The following RIMS2 variants were observed in gnomAD, a reference collection of about 807,000 sequenced individuals.
RIMS2 encodes the protein regulating synaptic membrane exocytosis protein 2.
Under a neutral mutation model 174.4 loss-of-function variants are expected in RIMS2, and 59 were observed. That is an observed-to-expected ratio of 0.34 (90% confidence interval 0.27 to 0.42). RIMS2 has a LOEUF of 0.42. Ranked by LOEUF, RIMS2 falls within the 10% of genes least tolerant of loss-of-function variation. RIMS2 has a pLI of 1.00. For missense variants in RIMS2, 1,620 were observed against 1,666.3 expected (o/e 0.97, Z 0.48); for synonymous variants, 606 against 572.5 (o/e 1.06, Z -0.84).
intron 1 of RIMS2, among the ~76,000 whole-genome samples, chr8:103,664,230 A>G (rs1372130955): frequency 2.6e-5 from 4 of 152,256 alleles, no homozygotes; most frequent in Admixed American, 2.6e-4. Context: ...CAAAGACTTC[A>G]TGACTAAAAC....
At chr8:103,576,043 C>A (rs1361520059) in intron 1 of RIMS2, among the ~76,000 whole-genome samples, 1 of 152,178 alleles carries the variant, frequency 6.6e-6, no homozygotes, top group East Asian at 1.9e-4. Context: ...AGTGGGAGGG[C>A]AGGACCACTA....
chr8:103,852,011 C>T (rs1285988401), intron 3 of RIMS2, among the ~76,000 whole-genome samples: 1 of 151,902 alleles, frequency 6.6e-6, no homozygotes, highest in African/African-American at 2.4e-5. Context: ...TAGACCAATC[C>T]TCCACTGCAG....
At chr8:103,602,288 A>G (rs2094794391) in intron 1 of RIMS2, among the ~76,000 whole-genome samples, 1 of 152,126 alleles carries the variant, frequency 6.6e-6, no homozygotes, top group African/African-American at 2.4e-5. Context: ...CGCCTGATCC[A>G]TGCTTTTTTA....
chr8:103,517,150 G>A (rs570153086), intron 1 of RIMS2, among the ~76,000 whole-genome samples: 1 of 152,310 alleles, frequency 6.6e-6, no homozygotes, highest in East Asian at 1.9e-4. Context: ...TGCATGATAA[G>A]TGCCTTAAAG....
chr8:103,675,102 G>T (rs962892182), intron 1 of RIMS2, among the ~76,000 whole-genome samples: 5 of 152,134 alleles, frequency 3.3e-5, no homozygotes, highest in African/African-American at 1.2e-4. Flanking sequence ...AGTAGAGATG[G>T]GGTTTCACTA....
chr8:103,904,725 T>C (rs1350591368), intron 4 of RIMS2, among the ~76,000 whole-genome samples: 1 of 152,088 alleles, frequency 6.6e-6, no homozygotes. Flanking sequence ...TTTATAATCA[T>C]GAACAATATT....
chr8:103,800,085 G>A (rs1164560118), intron 3 of RIMS2, among the ~76,000 whole-genome samples: 2 of 152,086 alleles, frequency 1.3e-5, no homozygotes, highest in African/African-American at 4.8e-5. Flanking sequence ...GAAGCTATTA[G>A]ACAAACTATT....
chr8:103,576,325 A>T (rs2093234352), intron 1 of RIMS2, among the ~76,000 whole-genome samples: 1 of 152,254 alleles, frequency 6.6e-6, no homozygotes, highest in South Asian at 2.1e-4. Flanking sequence ...CAACATGTAA[A>T]TCACAAAGCA....
intron 6 of RIMS2, among the ~76,000 whole-genome samples, chr8:103,912,643 A>T (rs1220643289): frequency 1.3e-5 from 2 of 152,114 alleles, no homozygotes; most frequent in Non-Finnish European, 1.5e-5. Flanking sequence ...GTATGTGCAT[A>T]TGTGCACTTA....
chr8:103,797,531 T>C lies in RIMS2; in HGVS notation c.698+30994T>C, dbSNP rs78300998. Among the ~76,000 whole-genome samples, 987 of 152,318 alleles carry C rather than the reference T, an allele frequency of 6.5e-3. 5 individuals are homozygous for C. Among genetic ancestry groups the C allele is most frequent in the Non-Finnish European group, 0.011 (774 of 68,026 alleles). ...TTATCCTGTGTTTACAAAAATGGAA[T>C]TTACTTAAAGAATCTGGTAATTTTC... On this transcript the variant is annotated intron_variant, in intron 3 of 23. Transcript: ENST00000504942.
At chr8:104,069,618 G>A (rs751436065) in intron 19 of RIMS2, among the ~76,000 whole-genome samples, 36 of 151,520 alleles carry the variant, frequency 2.4e-4, no homozygotes, top group Non-Finnish European at 4.3e-4. Context: ...ACAGACATGC[G>A]CCACCATGCC....
At chr8:103,986,067 T>A (rs2094337907) in intron 16 of RIMS2, among the ~76,000 whole-genome samples, 1 of 152,106 alleles carries the variant, frequency 6.6e-6, no homozygotes, top group Non-Finnish European at 1.5e-5. Flanking sequence ...TACTTGAAAA[T>A]TTCTGAGAGG....
At chr8:103,716,975 A>T (rs2097375175) in intron 2 of RIMS2, among the ~76,000 whole-genome samples, 1 of 152,096 alleles carries the variant, frequency 6.6e-6, no homozygotes, top group South Asian at 2.1e-4. Flanking sequence ...TGGATCTGCC[A>T]TGGAGACTGA....
intron 1 of RIMS2, among the ~76,000 whole-genome samples, chr8:103,594,878 T>C (rs537169643): frequency 3.1e-4 from 47 of 151,880 alleles, no homozygotes; most frequent in Non-Finnish European, 4.4e-5. Flanking sequence ...CTATAAGACA[T>C]GGGAGAAAGT....
chr8:103,532,467 A>C (rs1451817314), intron 1 of RIMS2, among the ~76,000 whole-genome samples: 2 of 152,226 alleles, frequency 1.3e-5, no homozygotes, highest in Non-Finnish European at 2.9e-5. Flanking sequence ...TACAGTGCAT[A>C]TCTGATCCAT....
At chr8:104,136,234 T>C (rs533180704) in intron 19 of RIMS2, among the ~76,000 whole-genome samples, 65 of 152,318 alleles carry the variant, frequency 4.3e-4, no homozygotes, top group Non-Finnish European at 8.4e-4. Context: ...CTGAGCATTT[T>C]TATCCAATTT....
intron 1 of RIMS2, among the ~76,000 whole-genome samples, chr8:103,668,957 TG>T: frequency 6.6e-6 from 1 of 152,210 alleles, no homozygotes; most frequent in East Asian, 1.9e-4. Flanking sequence ...ATACCAATTT[TG>T]TTTCTCCAAA....
chr8:103,563,876 A>T (rs2091975864), intron 1 of RIMS2, among the ~76,000 whole-genome samples: 1 of 152,190 alleles, frequency 6.6e-6, no homozygotes, highest in Admixed American at 6.5e-5. Flanking sequence ...AAGAGAGAGC[A>T]TGTACAGGGG....
At chr8:104,148,832 T>A (rs764253549) in intron 19 of RIMS2, 9 of 1,597,916 alleles carry the variant, frequency 5.6e-6, no homozygotes, top group Non-Finnish European at 7.6e-6. Context: ...GCAGTGCTTC[T>A]CAGCTCAGCC....
Sources: gnomAD v4.1 joint callset for allele counts (sites outside exome capture counted in the v4.1 genomes callset) on GRCh38, gnomAD v4.1.1 for gene constraint, MANE v1.5 for transcripts, NCBI Gene and HGNC (gene_info 2026-07-23, HGNC 2026-07-21) for gene names.